CHD5: variants seen among roughly 807,000 people sequenced by gnomAD.
CHD5 encodes ATP-dependent chromatin remodeler CHD5.
Under a neutral mutation model 230.3 loss-of-function variants are expected in CHD5, and 69 were observed. The ratio of observed to expected loss-of-function variants is 0.30; its 90% confidence interval spans 0.25 to 0.37. CHD5 has a LOEUF of 0.37. Ranked by LOEUF, CHD5 falls within the 10% of genes least tolerant of loss-of-function variation. The probability of loss-of-function intolerance (pLI) is 1.00; values close to 1 mark genes in which losing one functional copy is unlikely to be tolerated. For missense variants in CHD5, 1,827 were observed against 2,622.8 expected, an observed-to-expected ratio of 0.70 and a Z score of 6.63; for synonymous variants, 1,064 against 1,065.9, an observed-to-expected ratio of 1.00 and a Z score of 0.03.
Position 6,115,601 on chromosome 1 carries a change from C to G in CHD5, c.4913-2603G>C, listed in dbSNP as rs1261023347. ...CTACATGGCAGGAATGTGGTGGCTT[C>G]CAGGTGCTGAAAACGGACCCAGCTG... is the stretch of plus-strand genomic sequence containing the variant. On this transcript the variant is annotated intron_variant, in intron 33 of 41. Coordinates refer to ENST00000262450, the MANE Select transcript of CHD5 (RefSeq NM_015557.3). Among the ~76,000 whole-genome samples the G allele has an allele frequency of 2.0e-5, 3 of 152,208 alleles. No individual in the cohort carries two copies. The East Asian group carries it at 5.8e-4, about 29-fold the overall frequency.
chr1:6,159,006 CAAAAAAA>C, intron 3 of CHD5, among the ~76,000 whole-genome samples: 1 of 63,622 alleles, frequency 1.6e-5, no homozygotes, highest in African/African-American at 8.3e-5. Flanking sequence ...GACTCCGTCT[CAAAAAAA>C]AAAAAAAAAA....
intron 13 of CHD5, 27 bp downstream of exon 13, chr1:6,143,796 C>A: frequency 1.4e-6 from 2 of 1,461,314 alleles, no homozygotes; most frequent in South Asian, 2.3e-5. Context: ...CAACCCCACC[C>A]ACTGCTGCCC....
chr1:6,109,698 G>T, intron 38 of CHD5, 97 bp downstream of exon 38: 2 of 1,067,358 alleles, frequency 1.9e-6, no homozygotes, highest in African/African-American at 1.6e-5. Context: ...TCTGTCCCCA[G>T]CCCCTACCCC....
At chr1:6,179,732 T>G (rs1192960815) in intron 1 of CHD5, among the ~76,000 whole-genome samples, 1 of 82,964 alleles carries the variant, frequency 1.2e-5, no homozygotes, top group East Asian at 4.0e-4. Flanking sequence ...ACCCCGCCCT[T>G]AGCCGCCCTC....
chr1:6,140,253 G>A (rs891192257), intron 15 of CHD5, among the ~76,000 whole-genome samples: 20 of 152,182 alleles, frequency 1.3e-4, no homozygotes, highest in Admixed American at 6.5e-4. Flanking sequence ...TACAAAAAGC[G>A]GCTGAGTGTG....
intron 2 of CHD5, among the ~76,000 whole-genome samples, chr1:6,159,849 A>G (rs76222566): frequency 0.022 from 3,335 of 152,354 alleles, 117 homozygotes; most frequent in African/African-American, 0.076. Flanking sequence ...CTGCGGGTGA[A>G]CTCAGGCTCC....
In CHD5 at chr1:6,149,227, G is replaced by A. The variant is rs564828819; in HGVS notation, c.1161+19C>T. The A allele has an allele frequency of 1.4e-4, 218 of 1,563,444 alleles. 1 individual carries two copies. The South Asian group carries it at 2.4e-3, about 17-fold the overall frequency. On this transcript the variant is annotated intron_variant, in intron 8 of 41. Coordinates refer to ENST00000262450, the MANE Select transcript of CHD5 (RefSeq NM_015557.3). ...CAGGCGTGGCCCCGCCCCCAGCCCG[G>A]GGCTCTGCCAAGGCTTACACAGTGG...
At position 6,136,546 on chromosome 1, in the gene CHD5, G is replaced by A; in HGVS notation, c.2667C>T (p.Leu889=). ...ACCTCTCTGGAGTCAGGAAGTTGAG[G>A]AGATGGAACAGCTCCTCCAGGTTGT... is the stretch of plus-strand genomic sequence containing the variant. ...LQNNLEELFH[L]LNFLTPERFN... The change falls in exon 17 of 42, where the codon CTC becomes CTT. Residue 889 remains leucine, a synonymous_variant. Transcript: ENST00000262450. 1.2e-6 allele frequency: 2 copies of A among 1,614,110 alleles called. No individual in the cohort carries two copies. Among genetic ancestry groups the A allele is most frequent in the South Asian group, 1.1e-5 (1 of 91,076 alleles).
At position 6,168,249 on chromosome 1, in the gene CHD5, G is replaced by C; in HGVS notation, c.108C>G (p.Phe36Leu). 1 of 1,609,194 alleles carries C rather than the reference G, an allele frequency of 6.2e-7. No individual in the cohort carries two copies. The highest frequency in any genetic ancestry group is 1.7e-4 in the Middle Eastern group (1 of 6,034). Residue 36 changes from phenylalanine (F) to leucine (L), a missense_variant, in exon 2 of 42, where the codon TTC (phenylalanine) becomes TTG (leucine). Coordinates refer to ENST00000262450, the MANE Select transcript of CHD5 (RefSeq NM_015557.3). ...CGGGCTCCACAGGGAAAAAGTCATC[G>C]AAGGCTTCAAGACCACCATCTTCTT... ...SEEEDGGLEA[F>L]DDFFPVEPVS...
At chr1:6,115,266 A>G (rs1348282484) in intron 33 of CHD5, among the ~76,000 whole-genome samples, 1 of 150,714 alleles carries the variant, frequency 6.6e-6, no homozygotes, top group Non-Finnish European at 1.5e-5. Context: ...AAAAAAAAAG[A>G]AAGGAAACAC....
At position 6,111,590 on chromosome 1, in the gene CHD5, G is replaced by A. The variant is rs117353173; in HGVS notation, c.5249+185C>T. On this transcript the variant is annotated intron_variant, in intron 36 of 41. Coordinates refer to ENST00000262450, the MANE Select transcript of CHD5 (RefSeq NM_015557.3). ...GACCCAGACAGAGACACATAAGGAA[G>A]AAGCCGGGATGACAGCGGCGGGGAG... is the stretch of plus-strand genomic sequence containing the variant. Among the ~76,000 whole-genome samples, 21 of 151,598 alleles carry A rather than the reference G, an allele frequency of 1.4e-4. No homozygotes were observed. In the East Asian group the frequency reaches 4.1e-3, roughly 29 times the overall value.
chr1:6,122,729 T>G (rs559098405), intron 31 of CHD5, among the ~76,000 whole-genome samples: 24 of 152,058 alleles, frequency 1.6e-4, no homozygotes, highest in Admixed American at 7.2e-4. Flanking sequence ...CAATCCAAAA[T>G]CTATCGACAG....
In CHD5 at chr1:6,146,343, G is replaced by A. The variant is rs1307758013; in HGVS notation, c.1671C>T (p.Gly557=). The A allele has an allele frequency of 2.5e-6, 4 of 1,614,144 alleles. No homozygotes were observed. The highest frequency in any genetic ancestry group is 1.3e-5 in the African/African-American group (1 of 75,028). ...CGCTCTTGCCGTCTTCATCCCCAGAGCCGTAGTCAAAGGGGGGCGGCTCAT... is the reference window on the plus strand; with the variant it reads ...CGCTCTTGCCGTCTTCATCCCCAGAACCGTAGTCAAAGGGGGGCGGCTCAT... The part of the protein sequence containing the change: ...DMDEPPPFDY[G]SGDEDGKSEK... The change falls in exon 11 of 42, where the codon GGC becomes GGT. Residue 557 remains glycine (G), a synonymous_variant. Coordinates refer to ENST00000262450, the MANE Select transcript of CHD5 (RefSeq NM_015557.3). The surrounding 1 kb of genome is among the most constrained non-coding windows in gnomAD (Gnocchi z 5.1).
chr1:6,146,914 G>GA lies in CHD5; in HGVS notation c.1384-44_1384-43insT. On this transcript the variant is annotated intron_variant, in intron 9 of 41. Coordinates refer to ENST00000262450, the MANE Select transcript of CHD5 (RefSeq NM_015557.3). This position sits in a 1 kb window ranked among gnomAD's most constrained non-coding sequence, Gnocchi z 5.1. ...TCCCCAAGGTGGGGCTCAGCTGCAG[G>GA]GCCCCACCCTGAGGCTCCCATGACA... The GA allele has an allele frequency of 7.1e-7, 1 of 1,403,482 alleles. No homozygotes were observed. The highest frequency in any genetic ancestry group is 9.5e-7 in the Non-Finnish European group (1 of 1,056,764). The allele number at this position is 1,403,482 out of a possible 1,614,324, so 86.9% of individuals were successfully genotyped here.
intron 6 of CHD5, 86 bp from the exon 7 acceptor site, chr1:6,151,241 C>T (rs1667003219): frequency 8.4e-6 from 12 of 1,433,078 alleles, no homozygotes; most frequent in East Asian, 5.0e-5. Flanking sequence ...GGACAAAGCA[C>T]GGAAGAGGCT....
chr1:6,130,459 AC>A lies in CHD5; in HGVS notation c.3263-132del. On this transcript the variant is annotated intron_variant, in intron 21 of 41. Transcript: ENST00000262450. The surrounding 1 kb of genome is among the most constrained non-coding windows in gnomAD (Gnocchi z 4.9). ...CTGGCAGAGAAGGACAAAGCCGGAG[AC>A]CCCATCAGAGACGGGTGGCCACAGC... The A allele has an allele frequency of 1.2e-6, 1 of 869,526 alleles. No individual in the cohort carries two copies. The highest frequency in any genetic ancestry group is 1.7e-6 in the Non-Finnish European group (1 of 571,600). The allele number at this position is 869,526 out of a possible 1,614,324, so 53.9% of individuals were successfully genotyped here. A position where few individuals can be genotyped will look rare whatever the true frequency, so the allele number is the denominator to read the frequency against.
intron 2 of CHD5, among the ~76,000 whole-genome samples, chr1:6,162,042 T>C (rs1281335208): frequency 6.6e-6 from 1 of 152,156 alleles, no homozygotes; most frequent in African/African-American, 2.4e-5. Context: ...CTTCATCGTC[T>C]GTGAACTGGG....
rs1373519578 is a variant in CHD5, at chr1:6,167,070, G to A, written c.207+1080C>T. ...TGCCAAGGGCACCCCCTTAGCATTA[G>A]CACCTCACCTCACCACCACTGCGCC... On this transcript the variant is annotated intron_variant, in intron 2 of 41. Coordinates refer to ENST00000262450, the MANE Select transcript of CHD5 (RefSeq NM_015557.3). The surrounding 1 kb of genome is among the most constrained non-coding windows in gnomAD (Gnocchi z 4.5). Among the ~76,000 whole-genome samples, 1 of 152,192 alleles carries A rather than the reference G, an allele frequency of 6.6e-6. No individual in the cohort carries two copies. The highest frequency in any genetic ancestry group is 1.5e-5 in the Non-Finnish European group (1 of 68,024).
At chr1:6,110,893 T>G (rs1025602799) in intron 36 of CHD5, among the ~76,000 whole-genome samples, 2 of 152,190 alleles carry the variant, frequency 1.3e-5, no homozygotes, top group African/African-American at 4.8e-5. Flanking sequence ...CATGCTGGAC[T>G]AGGGTGGGCC....
Sources: gnomAD v4.1 joint callset for allele counts (sites outside exome capture counted in the v4.1 genomes callset) on GRCh38, gnomAD v4.1.1 for gene constraint, Gnocchi (gnomAD v3.1) non-coding constraint, MANE v1.5 for transcripts, NCBI Gene and HGNC (gene_info 2026-07-23, HGNC 2026-07-21) for gene names.